The following RNF150 variants were observed in gnomAD, a reference collection of about 807,000 sequenced individuals.
RNF150 encodes the protein ring finger protein 150.
In RNF150, 24 loss-of-function variants were observed where a neutral mutation model predicts 39.3. The observed-to-expected ratio is 0.61, with a 90% CI of 0.44 to 0.86. The LOEUF (loss-of-function observed/expected upper bound fraction) is 0.86, where lower values mean the gene tolerates loss of function less well. RNF150 is among the 40% of genes least tolerant of loss of function. The pLI, the probability that RNF150 is intolerant of heterozygous loss-of-function variation, is 0.00. For synonymous variants in RNF150, 255 were observed against 227.3 expected (o/e 1.12, Z -1.10); for missense variants, 502 against 587.8 (o/e 0.85, Z 1.51).
intron 6 of RNF150, among the ~76,000 whole-genome samples, chr4:140,885,915 TTA>T (rs1437424977): frequency 6.6e-6 from 1 of 152,126 alleles, no homozygotes. Flanking sequence ...GAGCTTCTTT[TTA>T]TATATGTTCT....
At position 140,863,039 on chromosome 4, in the gene RNF150, C is replaced by T. The variant is rs987889004; in HGVS notation, c.*5222G>A. The T allele has an allele frequency of 2.6e-5, 4 of 152,036 alleles. No homozygotes were observed. Among genetic ancestry groups the T allele is most frequent in the Admixed American group, 6.6e-5 (1 of 15,264 alleles). 9.4% of individuals were successfully genotyped at this position (152,036 alleles called of 1,614,324 possible). A position where few individuals can be genotyped will look rare whatever the true frequency, so the allele number is the denominator to read the frequency against. Reference sequence around the variant, plus strand: ...AGCACTGCATGAAGAACCATGCATCCCCATCTTAAGAGGGTAGTCTCTTCG... The same window carrying T: ...AGCACTGCATGAAGAACCATGCATCTCCATCTTAAGAGGGTAGTCTCTTCG... On this transcript the variant is annotated 3_prime_UTR_variant, in exon 7 of 7. Coordinates refer to ENST00000515673, the MANE Select transcript of RNF150 (RefSeq NM_020724.2).
intron 2 of RNF150, among the ~76,000 whole-genome samples, chr4:140,950,703 C>A (rs1443835241): frequency 1.3e-5 from 2 of 152,316 alleles, no homozygotes; most frequent in East Asian, 3.9e-4. Context: ...AACCATCCAG[C>A]CAATCAGAAT....
chr4:141,027,912 GTTTTTTTTTTTTTGTTTTT>G (rs1297772548), intron 1 of RNF150, among the ~76,000 whole-genome samples: 20 of 27,102 alleles, frequency 7.4e-4, no homozygotes, highest in Admixed American at 9.8e-4. Flanking sequence ...CTTGGAATTT[GTTTTTTTTTTTTTGTTTTT>G]TTTTTTTTTT....
chr4:141,117,993 CTA>C (rs1560747563), intron 1 of RNF150, among the ~76,000 whole-genome samples: 2 of 152,206 alleles, frequency 1.3e-5, no homozygotes, highest in Admixed American at 6.5e-5. Context: ...AGAAAATAGA[CTA>C]TGTGAGATGC....
intron 1 of RNF150, among the ~76,000 whole-genome samples, chr4:141,048,843 C>T (rs1507185): frequency 0.12 from 17,889 of 152,172 alleles, 1,536 homozygotes; most frequent in East Asian, 0.39. Context: ...TTTTTAGACA[C>T]GTATATAGCT....
intron 2 of RNF150, among the ~76,000 whole-genome samples, chr4:140,960,821 C>G (rs1283558393): frequency 6.6e-6 from 1 of 152,058 alleles, no homozygotes; most frequent in Non-Finnish European, 1.5e-5. Flanking sequence ...ACTATTTGCG[C>G]AGGTGTGGGG....
intron 6 of RNF150, among the ~76,000 whole-genome samples, chr4:140,882,799 A>G (rs1729425120): frequency 6.6e-6 from 1 of 152,068 alleles, no homozygotes; most frequent in Admixed American, 6.6e-5. Flanking sequence ...TAGCTCAGGT[A>G]TGTCCTTAAA....
intron 1 of RNF150, among the ~76,000 whole-genome samples, chr4:141,106,784 A>G (rs1177782582): frequency 1.3e-5 from 2 of 152,076 alleles, no homozygotes; most frequent in African/African-American, 4.8e-5. Flanking sequence ...AAAAGAGCGA[A>G]ATTCCATCTC....
intron 1 of RNF150, among the ~76,000 whole-genome samples, chr4:141,117,222 T>C (rs1739578511): frequency 1.3e-5 from 2 of 152,200 alleles, no homozygotes; most frequent in Non-Finnish European, 2.9e-5. Flanking sequence ...ATTAAATCCA[T>C]AATAATTTAT....
chr4:141,093,601 T>C (rs1462967205), intron 1 of RNF150, among the ~76,000 whole-genome samples: 1 of 152,224 alleles, frequency 6.6e-6, no homozygotes, highest in East Asian at 1.9e-4. Flanking sequence ...GGGTAACCCA[T>C]AACACCTCAC....
chr4:140,974,634 T>TC (rs1348018643), intron 1 of RNF150, among the ~76,000 whole-genome samples: 1 of 152,182 alleles, frequency 6.6e-6, no homozygotes, highest in East Asian at 1.9e-4. Flanking sequence ...GTATGAATGA[T>TC]TCAGTTTCTT....
intron 2 of RNF150, 86 bp downstream of exon 2, chr4:140,967,537 G>T: frequency 1.5e-6 from 2 of 1,291,898 alleles, no homozygotes; most frequent in East Asian, 2.5e-5. Context: ...TTTTGGTTTT[G>T]GCTTGGTATT....
At chr4:141,082,458 A>T (rs1738191575) in intron 1 of RNF150, among the ~76,000 whole-genome samples, 1 of 152,220 alleles carries the variant, frequency 6.6e-6, no homozygotes, top group Non-Finnish European at 1.5e-5. Context: ...TCATTTCCTG[A>T]GACAAATGAT....
intron 1 of RNF150, among the ~76,000 whole-genome samples, chr4:141,122,311 A>C (rs948059175): frequency 2.0e-5 from 3 of 152,178 alleles, no homozygotes; most frequent in Non-Finnish European, 2.9e-5. Context: ...CTGATTCGCC[A>C]CCTTCGGTGG....
At chr4:141,185,724 AT>A (rs1727995774) in intron 1 of RNF150, among the ~76,000 whole-genome samples, 1 of 152,122 alleles carries the variant, frequency 6.6e-6, no homozygotes. Context: ...AGTTTATTGA[AT>A]GTGTTTAGCA....
intron 1 of RNF150, among the ~76,000 whole-genome samples, chr4:140,981,524 CA>C (rs537777524): frequency 6.6e-6 from 1 of 152,116 alleles, no homozygotes; most frequent in East Asian, 1.9e-4. Flanking sequence ...TATATGCTAC[CA>C]AAAAGCAATA....
In RNF150 at chr4:140,915,195, CAG is replaced by C. The variant is rs1730768692; in HGVS notation, c.988-3843_988-3842del. On this transcript the variant is annotated intron_variant, in intron 5 of 6. Transcript: ENST00000515673. ...TGAAGCATGAACAGACATCAGTTAT[CAG>C]AGAGTGAAAAGCTCTTTTCAATTTT... Among the ~76,000 whole-genome samples the C allele has an allele frequency of 3.3e-5, 5 of 152,144 alleles. No homozygotes were observed. In the South Asian group the frequency reaches 1.0e-3, roughly 32 times the overall value.
At chr4:141,111,342 G>T (rs1739378318) in intron 1 of RNF150, among the ~76,000 whole-genome samples, 1 of 152,146 alleles carries the variant, frequency 6.6e-6, no homozygotes. Flanking sequence ...GCTAAACTTG[G>T]TTAGCTCTAA....
chr4:141,199,573 G>T (rs929123195), intron 1 of RNF150, among the ~76,000 whole-genome samples: 4 of 152,094 alleles, frequency 2.6e-5, no homozygotes, highest in African/African-American at 7.2e-5. Context: ...AATGCATTTT[G>T]CTAAGTAAAG....
Sources: allele counts gnomAD v4.1 joint callset (sites outside exome capture counted in the v4.1 genomes callset), GRCh38; gene constraint gnomAD v4.1.1; transcripts MANE v1.5; gene names NCBI Gene and HGNC (gene_info 2026-07-23, HGNC 2026-07-21).